The following PPP1R21 variants were observed in gnomAD, a reference collection of about 807,000 sequenced individuals.
PPP1R21 encodes KLRAQ motif containing 1.
In PPP1R21, 85 loss-of-function variants were observed where a neutral mutation model predicts 112.8. The ratio of observed to expected loss-of-function variants is 0.75; its 90% CI spans 0.63 to 0.90. The LOEUF is 0.90. PPP1R21 is among the 40% of genes least tolerant of loss of function. The probability of loss-of-function intolerance (pLI) is 0.00; values close to 1 mark genes in which losing one functional copy is unlikely to be tolerated. For synonymous variants in PPP1R21, 381 were observed against 322.3 expected, an observed-to-expected ratio of 1.18 and a Z score of -1.95; for missense variants, 1,199 against 901.5, an observed-to-expected ratio of 1.33 and a Z score of -4.23.
At position 48,514,101 on chromosome 2, in the gene PPP1R21, CAG is replaced by C. The variant is rs1405763667; in HGVS notation, c.2314-611_2314-610del. ...TTTTTTTTTTTTTTTTTTTTTGAGA[CAG>C]AGTCTTGTTGCTCCATCTCCCGGGT... On this transcript the variant is annotated intron_variant, in intron 21 of 21. Transcript: ENST00000294952. Among the ~76,000 whole-genome samples the C allele has an allele frequency of 3.2e-4, 9 of 28,082 alleles. 1 individual carries two copies. The highest frequency in any genetic ancestry group is 2.0e-3 in the African/African-American group (5 of 2,554). 18.4% of individuals were successfully genotyped at this position (28,082 alleles called of 152,430 possible). A position where few individuals can be genotyped will look rare whatever the true frequency, so the allele number is the denominator to read the frequency against.
In PPP1R21 at chr2:48,495,694, G is replaced by T; in HGVS notation, c.1615G>T (p.Val539Leu). 1 of 1,607,494 alleles carries T rather than the reference G, an allele frequency of 6.2e-7. No individual in the cohort carries two copies. Among genetic ancestry groups the T allele is most frequent in the Non-Finnish European group, 8.5e-7 (1 of 1,174,122 alleles). Residue 539 changes from valine (V) to leucine (L), a missense_variant, in exon 16 of 22, where the codon GTG (valine) becomes TTG (leucine). Val to Leu is a conservative substitution (Grantham distance 32). Coordinates refer to ENST00000294952, the MANE Select transcript of PPP1R21 (RefSeq NM_001135629.3). ...TTTATCATAGCCCCTCTTGGAGTCT[G>T]TGCCTTATGAAGAAGCACTGGCAAA... is the stretch of plus-strand genomic sequence containing the variant. Reference protein sequence around the residue: ...KSLRKPLLESVPYEEALANRR... With the variant: ...KSLRKPLLESLPYEEALANRR...
chr2:48,490,462 T>C (rs1216762815), intron 14 of PPP1R21, among the ~76,000 whole-genome samples: 1 of 152,192 alleles, frequency 6.6e-6, no homozygotes, highest in African/African-American at 2.4e-5. Context: ...TGATAGATCT[T>C]TGTGGCTGCT....
rs1667831992 is a variant in PPP1R21, at chr2:48,458,643, C to G, written c.375+416C>G. ...TTACTGATGTTTAGTTGGTTCTTAT[C>G]CCTACCCCTGTTAAACTGTAAGGTC... On this transcript the variant is annotated intron_variant, in intron 4 of 21. Coordinates refer to ENST00000294952, the MANE Select transcript of PPP1R21 (RefSeq NM_001135629.3). Among the ~76,000 whole-genome samples, 3 of 143,488 alleles carry G rather than the reference C, an allele frequency of 2.1e-5. No homozygotes were observed. The South Asian group carries it at 6.9e-4, about 33-fold the overall frequency. 94.1% of individuals were successfully genotyped at this position (143,488 alleles called of 152,430 possible).
chr2:48,449,153 G>A (rs1165781083), intron 1 of PPP1R21, among the ~76,000 whole-genome samples: 3 of 151,598 alleles, frequency 2.0e-5, no homozygotes, highest in Non-Finnish European at 1.5e-5. Flanking sequence ...TATCAATCAA[G>A]GTGTACAATG....
intron 7 of PPP1R21, among the ~76,000 whole-genome samples, chr2:48,464,469 C>T (rs1668112745): frequency 6.6e-6 from 1 of 152,092 alleles, no homozygotes; most frequent in African/African-American, 2.4e-5. Context: ...GATAGTGATA[C>T]CATCCAGGAA....
At chr2:48,501,220 C>G (rs562141823) in intron 17 of PPP1R21, among the ~76,000 whole-genome samples, 1 of 152,174 alleles carries the variant, frequency 6.6e-6, no homozygotes, top group African/African-American at 2.4e-5. Flanking sequence ...AAGAACTGCC[C>G]CCACTCCCTT....
At chr2:48,458,047 A>G (rs772505854) in intron 3 of PPP1R21, 79 bp from the exon 4 acceptor site, 1 of 907,356 alleles carries the variant, frequency 1.1e-6, no homozygotes, top group Non-Finnish European at 1.8e-6. Context: ...AGCTTCTAAG[A>G]TGATAGAGAA....
chr2:48,459,091 CAAAAAAAAAAA>C (rs747369228), intron 4 of PPP1R21, among the ~76,000 whole-genome samples: 1 of 55,258 alleles, frequency 1.8e-5, no homozygotes, highest in Non-Finnish European at 3.4e-5. Context: ...GACTCTGTCT[CAAAAAAAAAAA>C]AAAAAAAAAA....
intron 1 of PPP1R21, among the ~76,000 whole-genome samples, chr2:48,445,693 A>C (rs1297904044): frequency 6.6e-6 from 1 of 152,190 alleles, no homozygotes; most frequent in African/African-American, 2.4e-5. Context: ...GTTTTGTCGT[A>C]GTGAGTTTCC....
At chr2:48,445,819 C>A (rs78676670) in intron 1 of PPP1R21, among the ~76,000 whole-genome samples, 2,899 of 152,246 alleles carry the variant, frequency 0.019, 80 homozygotes, top group African/African-American at 0.064. Context: ...CCTGCACATA[C>A]TTTATCCCTG....
intron 20 of PPP1R21, 82 bp from the exon 21 acceptor site, chr2:48,511,258 A>G: frequency 1.2e-5 from 17 of 1,400,536 alleles, no homozygotes; most frequent in Non-Finnish European, 1.6e-5. Flanking sequence ...CCTACTCCAC[A>G]TTTTTCTTTT....
intron 9 of PPP1R21, among the ~76,000 whole-genome samples, chr2:48,466,124 T>C (rs1485919186): frequency 1.3e-5 from 2 of 152,154 alleles, no homozygotes; most frequent in African/African-American, 2.4e-5. Flanking sequence ...CATCTCCCAC[T>C]GGGTCCCTCC....
intron 14 of PPP1R21, 69 bp from the exon 15 acceptor site, chr2:48,490,949 A>G (rs776216953): frequency 4.4e-6 from 6 of 1,356,312 alleles, no homozygotes; most frequent in Non-Finnish European, 6.2e-6. Flanking sequence ...TGCTGCAAAA[A>G]CTATTAGATA....
Position 48,451,056 on chromosome 2 carries a change from G to A in PPP1R21, c.106G>A (p.Ala36Thr), listed in dbSNP as rs1294782192. 1 of 1,613,580 alleles carries A rather than the reference G, an allele frequency of 6.2e-7. No individual in the cohort carries two copies. Among genetic ancestry groups the A allele is most frequent in the East Asian group, 2.2e-5 (1 of 44,852 alleles). The change falls in exon 2 of 22, where the codon GCA becomes ACA. Residue 36 changes from alanine to threonine, a missense_variant. By Grantham distance (58) the Ala-to-Thr change is moderately conservative. Transcript: ENST00000294952. ...VLKKGVVDEQ[A>T]NSAALKEQLK... ...GAAAAAAGGTGTTGTGGATGAACAA[G>A]CAAATTCTGCAGCTTTAAAGGTGGG...
At chr2:48,482,645 G>GTTGT (rs1553341553) in intron 13 of PPP1R21, among the ~76,000 whole-genome samples, 8 of 126,578 alleles carry the variant, frequency 6.3e-5, no homozygotes, top group African/African-American at 2.1e-4. Flanking sequence ...TAAAGACACT[G>GTTGT]TTTTTTTTTT....
chr2:48,475,052 A>G (rs1313274907), intron 12 of PPP1R21, among the ~76,000 whole-genome samples: 2 of 152,138 alleles, frequency 1.3e-5, no homozygotes, highest in Non-Finnish European at 2.9e-5. Context: ...GTGATTATTG[A>G]GTTAAATTAA....
intron 4 of PPP1R21, among the ~76,000 whole-genome samples, chr2:48,458,959 G>T (rs1342212692): frequency 6.6e-6 from 1 of 151,926 alleles, no homozygotes; most frequent in Non-Finnish European, 1.5e-5. Context: ...AGGCGTGGTG[G>T]TAGACACCTG....
chr2:48,500,281 C>T (rs1269446351), intron 17 of PPP1R21, among the ~76,000 whole-genome samples: 1 of 151,994 alleles, frequency 6.6e-6, no homozygotes, highest in Non-Finnish European at 1.5e-5. Flanking sequence ...AAAATGTCTG[C>T]AACTTACGCT....
At chr2:48,472,933 C>T in intron 11 of PPP1R21, among the ~76,000 whole-genome samples, 1 of 126,348 alleles carries the variant, frequency 7.9e-6, no homozygotes, top group Non-Finnish European at 1.7e-5. Context: ...GTCCCTGCCT[C>T]TTAAAAAAAA....
Sources: allele counts gnomAD v4.1 joint callset (sites outside exome capture counted in the v4.1 genomes callset), GRCh38; gene constraint gnomAD v4.1.1; transcripts MANE v1.5; gene names NCBI Gene and HGNC (gene_info 2026-07-23, HGNC 2026-07-21).